Variants in GNAQ observed in about 807,000 individuals in gnomAD.
GNAQ encodes guanine nucleotide-binding protein G(q) subunit alpha.
A neutral mutation model predicts 43.9 loss-of-function variants in GNAQ; 8 were observed. The ratio of observed to expected loss-of-function variants is 0.18; its 90% CI spans 0.11 to 0.33. The LOEUF (loss-of-function observed/expected upper bound fraction) is 0.33. Ranked by LOEUF, GNAQ falls within the 10% of genes least tolerant of loss-of-function variation. The pLI, the probability that GNAQ is intolerant of heterozygous loss-of-function variation, is 1.00. For synonymous variants in GNAQ, 155 were observed against 170.7 expected, an observed-to-expected ratio of 0.91 and a Z score of 0.71; for missense variants, 158 against 450.8, an observed-to-expected ratio of 0.35 and a Z score of 5.88.
At position 78,016,501 on chromosome 9, in the gene GNAQ, CAG is replaced by C. The variant is rs1404459233; in HGVS notation, c.136+14597_136+14598del. Among the ~76,000 whole-genome samples the C allele has an allele frequency of 2.0e-5, 3 of 152,204 alleles. No individual in the cohort carries two copies. The East Asian group carries it at 5.8e-4, about 30-fold the overall frequency. ...GAGATCGAGACCATCCTGGCTAACA[CAG>C]TGAAGCCCTGTCTCTACTAAAAATA... On this transcript the variant is annotated intron_variant, in intron 1 of 6. Coordinates refer to ENST00000286548, the MANE Select transcript of GNAQ (RefSeq NM_002072.5).
chr9:77,787,818 T>C (rs1051464276), intron 5 of GNAQ, among the ~76,000 whole-genome samples: 1 of 151,986 alleles, frequency 6.6e-6, no homozygotes, highest in Non-Finnish European at 1.5e-5. Flanking sequence ...TGACCTGAGG[T>C]CAGGTGTTCA....
At chr9:77,850,574 G>A (rs1827659350) in intron 2 of GNAQ, among the ~76,000 whole-genome samples, 1 of 152,082 alleles carries the variant, frequency 6.6e-6, no homozygotes, top group South Asian at 2.1e-4. Context: ...CCTTTCCACA[G>A]CTCCACACGA....
At chr9:77,926,452 T>C (rs1829073915) in intron 1 of GNAQ, among the ~76,000 whole-genome samples, 1 of 152,188 alleles carries the variant, frequency 6.6e-6, no homozygotes, top group African/African-American at 2.4e-5. Flanking sequence ...ATTTCAAGAA[T>C]GCAGTGATGA....
chr9:77,728,203 C>T (rs1293707452), intron 6 of GNAQ, among the ~76,000 whole-genome samples: 1 of 152,124 alleles, frequency 6.6e-6, no homozygotes, highest in African/African-American at 2.4e-5. Flanking sequence ...CCATGTTGAC[C>T]AGGATGGTCT....
In GNAQ at chr9:77,727,656, T is replaced by A. The variant is rs1006323568; in HGVS notation, c.889+858A>T. On this transcript the variant is annotated intron_variant, in intron 6 of 6. Transcript: ENST00000286548. ...AGTATTTCCTGAGTATTCATAAGTG[T>A]CCTACGTGTCAGGCATCATGCTAAA... Among the ~76,000 whole-genome samples, 4 of 152,324 alleles carry A rather than the reference T, an allele frequency of 2.6e-5. 1 individual carries two copies. The highest frequency in any genetic ancestry group is 9.6e-5 in the African/African-American group (4 of 41,590).
intron 1 of GNAQ, among the ~76,000 whole-genome samples, chr9:77,975,536 C>CTTTTT (rs34636918): frequency 2.6e-5 from 3 of 115,276 alleles, no homozygotes; most frequent in Non-Finnish European, 5.0e-5. Context: ...TCAGCCCCCC[C>CTTTTT]TTTTTTTTTT....
chr9:77,983,582 T>C (rs867549199), intron 1 of GNAQ, among the ~76,000 whole-genome samples: 5 of 152,208 alleles, frequency 3.3e-5, no homozygotes, highest in Non-Finnish European at 4.4e-5. Flanking sequence ...GGTTGGTGTA[T>C]TCCTTATTCC....
chr9:77,969,442 C>T (rs955214652), intron 1 of GNAQ, among the ~76,000 whole-genome samples: 2 of 152,092 alleles, frequency 1.3e-5, no homozygotes, highest in Non-Finnish European at 2.9e-5. Context: ...TAGCCTGATG[C>T]GACAGCCAAT....
At chr9:78,028,591 T>TTCA (rs1214754455) in intron 1 of GNAQ, among the ~76,000 whole-genome samples, 2 of 152,226 alleles carry the variant, frequency 1.3e-5, no homozygotes, top group African/African-American at 4.8e-5. Context: ...TTTACATTGA[T>TTCA]TTTCATTTCA....
At chr9:77,944,912 G>A (rs903018956) in intron 1 of GNAQ, among the ~76,000 whole-genome samples, 3 of 152,154 alleles carry the variant, frequency 2.0e-5, no homozygotes, top group African/African-American at 7.2e-5. Flanking sequence ...AAGGAAACAA[G>A]GGAGAGCCAC....
chr9:78,021,965 T>C (rs1408236723), intron 1 of GNAQ, among the ~76,000 whole-genome samples: 1 of 152,188 alleles, frequency 6.6e-6, no homozygotes, highest in East Asian at 1.9e-4. Context: ...AAGAGACCCA[T>C]GCTGATATGA....
chr9:77,776,174 T>C (rs761884769), intron 5 of GNAQ, among the ~76,000 whole-genome samples: 2 of 152,170 alleles, frequency 1.3e-5, no homozygotes, highest in Non-Finnish European at 2.9e-5. Context: ...CCCATCTCCC[T>C]TTTCCAGCTC....
At chr9:77,858,170 G>A (rs1012124168) in intron 2 of GNAQ, among the ~76,000 whole-genome samples, 1 of 152,096 alleles carries the variant, frequency 6.6e-6, no homozygotes, top group Non-Finnish European at 1.5e-5. Flanking sequence ...GGCAGGAGAT[G>A]GTTTTCAGCA....
chr9:77,771,957 T>C (rs1355192733), intron 5 of GNAQ, among the ~76,000 whole-genome samples: 3 of 152,062 alleles, frequency 2.0e-5, no homozygotes, highest in Non-Finnish European at 4.4e-5. Flanking sequence ...CTAATTCCCA[T>C]CTGCTGCTGT....
intron 5 of GNAQ, among the ~76,000 whole-genome samples, chr9:77,766,030 T>G (rs1451663874): frequency 1.3e-5 from 2 of 151,834 alleles, no homozygotes; most frequent in Non-Finnish European, 2.9e-5. Context: ...GTACACAGAG[T>G]AGTCAAATTC....
chr9:77,784,150 T>C (rs1826439603), intron 5 of GNAQ, among the ~76,000 whole-genome samples: 1 of 152,120 alleles, frequency 6.6e-6, no homozygotes, highest in Non-Finnish European at 1.5e-5. Flanking sequence ...TGGTTCTTCC[T>C]TTTTTCCCCT....
chr9:77,762,536 G>A (rs527475584), intron 5 of GNAQ, among the ~76,000 whole-genome samples: 32 of 149,162 alleles, frequency 2.1e-4, no homozygotes, highest in African/African-American at 7.6e-4. Flanking sequence ...GCCTCTGCCC[G>A]GCCGCCCCTA....
chr9:77,848,450 A>T (rs555729852), intron 2 of GNAQ, among the ~76,000 whole-genome samples: 1 of 152,250 alleles, frequency 6.6e-6, no homozygotes, highest in South Asian at 2.1e-4. Flanking sequence ...TTAACAAGCA[A>T]CCCCATTGCT....
intron 1 of GNAQ, among the ~76,000 whole-genome samples, chr9:77,980,664 T>A (rs1384564270): frequency 6.7e-6 from 1 of 149,690 alleles, no homozygotes; most frequent in Non-Finnish European, 1.5e-5. Context: ...TTTACTAGTT[T>A]AAAAAAAAAA....
Sources: allele counts gnomAD v4.1 joint callset (sites outside exome capture counted in the v4.1 genomes callset), GRCh38; gene constraint gnomAD v4.1.1; transcripts MANE v1.5; gene names NCBI Gene and HGNC (gene_info 2026-07-23, HGNC 2026-07-21).